The following BNC1 variants were observed in gnomAD, a reference collection of about 807,000 sequenced individuals.
BNC1 encodes the protein zinc finger protein basonuclin-1.
BNC1 carries 8 observed loss-of-function variants against 66.5 expected under a neutral mutation model. That is an observed-to-expected ratio of 0.12 (90% CI 0.07 to 0.22). The LOEUF is 0.22. Ranked by LOEUF, BNC1 falls within the 10% of genes least tolerant of loss-of-function variation. The probability of loss-of-function intolerance (pLI) is 1.00; values close to 1 mark genes in which losing one functional copy is unlikely to be tolerated. For missense variants in BNC1, 1,069 were observed against 1,241.3 expected (o/e 0.86, Z 2.09); for synonymous variants, 454 against 452.6 (o/e 1.00, Z -0.04).
intron 1 of BNC1, chr15:83,283,458 G>A: frequency 1.6e-6 from 2 of 1,215,562 alleles, no homozygotes; most frequent in South Asian, 3.1e-5. Flanking sequence ...CGGAACCGAC[G>A]GGGCGCTCCC....
At chr15:83,274,009 A>C in intron 1 of BNC1, among the ~76,000 whole-genome samples, 1 of 152,180 alleles carries the variant, frequency 6.6e-6, no homozygotes, top group Non-Finnish European at 1.5e-5. Flanking sequence ...TGGGGGACTA[A>C]CTGGTAAGGG....
At position 83,266,768 on chromosome 15, in the gene BNC1, T is replaced by A. The variant is rs1045429660; in HGVS notation, c.435+68A>T. On this transcript the variant is annotated intron_variant, in intron 3 of 4. Transcript: ENST00000345382. ...GCTGTAGCATTGGGAGGTAACTGGG[T>A]TACGTCAGTTATATGGGCACAAATT... is the stretch of plus-strand genomic sequence containing the variant. The A allele has an allele frequency of 2.2e-5, 31 of 1,382,922 alleles. No individual in the cohort carries two copies. The Admixed American group carries it at 4.4e-4, about 19-fold the overall frequency. The allele number at this position is 1,382,922 out of a possible 1,614,324, so 85.7% of individuals were successfully genotyped here.
At chr15:83,261,733 C>A (rs1018410509) in intron 4 of BNC1, among the ~76,000 whole-genome samples, 1 of 152,144 alleles carries the variant, frequency 6.6e-6, no homozygotes, top group Non-Finnish European at 1.5e-5. Flanking sequence ...AGTTTGCCTG[C>A]GTGTGTGTGT....
At chr15:83,265,036 T>C (rs559511085) in intron 3 of BNC1, among the ~76,000 whole-genome samples, 36 of 152,292 alleles carry the variant, frequency 2.4e-4, no homozygotes, top group Non-Finnish European at 4.6e-4. Context: ...CTACAATTGG[T>C]GCAAAAGAGA....
In BNC1 at chr15:83,264,080, C is replaced by G; in HGVS notation, c.1171G>C (p.Gly391Arg). 1 of 1,614,148 alleles carries G rather than the reference C, an allele frequency of 6.2e-7. No individual in the cohort carries two copies. Among genetic ancestry groups the G allele is most frequent in the Non-Finnish European group, 8.5e-7 (1 of 1,180,040 alleles). The stretch of plus-strand genomic sequence containing the variant: ...AGGGAGCTGAACACCATGTTACACC[C>G]TTCGATGGTGCACTTATGCTTGATC... Reference protein sequence around the residue: ...LKIKHKCTIEGCNMVFSSLRS... With the variant: ...LKIKHKCTIERCNMVFSSLRS... The change falls in exon 4 of 5, where the codon GGG (glycine) becomes CGG (arginine). Residue 391 changes from glycine (G) to arginine (R), a missense_variant. Transcript: ENST00000345382.
chr15:83,262,437 T>G (rs1390130130), intron 4 of BNC1, among the ~76,000 whole-genome samples: 1 of 152,198 alleles, frequency 6.6e-6, no homozygotes, highest in African/African-American at 2.4e-5. Context: ...GGCAGAATGA[T>G]GCATATAATG....
At chr15:83,273,731 T>C (rs1595940769) in intron 1 of BNC1, among the ~76,000 whole-genome samples, 1 of 152,190 alleles carries the variant, frequency 6.6e-6, no homozygotes, top group Admixed American at 6.5e-5. Context: ...CTGGACCCAC[T>C]TGGTCTCTCG....
At chr15:83,264,854 C>T (rs763165409) in intron 3 of BNC1, 39 bp from the exon 4 acceptor site, 6 of 1,580,566 alleles carry the variant, frequency 3.8e-6, no homozygotes, top group Admixed American at 1.7e-5. Flanking sequence ...GATCAATTTA[C>T]AACTCCTTAC....
intron 2 of BNC1, 70 bp from the exon 3 acceptor site, chr15:83,267,141 GTAGGT>G (rs926558506): frequency 8.0e-7 from 1 of 1,250,430 alleles, no homozygotes; most frequent in African/African-American, 1.5e-5. Flanking sequence ...GCAAAAAAAA[GTAGGT>G]TAGGACCAAT....
intron 4 of BNC1, among the ~76,000 whole-genome samples, chr15:83,261,177 A>G (rs1001742596): frequency 1.3e-5 from 2 of 152,214 alleles, no homozygotes; most frequent in Non-Finnish European, 2.9e-5. Flanking sequence ...CAGCTTATTC[A>G]TGAACAAACA....
In BNC1 at chr15:83,284,609, C is replaced by T. The variant is rs1184951361; in HGVS notation, c.20G>A (p.Ser7Asn). The change falls in exon 1 of 5, where the codon AGC (serine) becomes AAC (asparagine). Residue 7 changes from serine to asparagine, a missense_variant. Coordinates refer to ENST00000345382, the MANE Select transcript of BNC1 (RefSeq NM_001717.4). ...CCGGGCCGCCCCGCGTCCGCCCCGG[C>T]TCGGCGGGCGCCGCCGCATCCACGC... MRRRPPSRGGRGAARAR... is the reference protein window; with the variant it reads MRRRPPNRGGRGAARAR... The T allele has an allele frequency of 9.9e-7, 1 of 1,005,802 alleles. No homozygotes were observed. Among genetic ancestry groups the T allele is most frequent in the East Asian group, 1.0e-4 (1 of 9,694 alleles). The allele number at this position is 1,005,802 out of a possible 1,614,324, so 62.3% of individuals were successfully genotyped here. A position where few individuals can be genotyped will look rare whatever the true frequency, so the allele number is the denominator to read the frequency against.
Position 83,263,811 on chromosome 15 carries a change from G to A in BNC1, c.1440C>T (p.Pro480=), listed in dbSNP as rs766627325. ...PNIGQNGVLF[P]NLKTVQPVLP... The stretch of plus-strand genomic sequence containing the variant: ...GGACTGGCTGGACTGTCTTTAGGTT[G>A]GGAAAAAGCACACCATTTTGCCCAA... Residue 480 remains proline, a synonymous_variant, in exon 4 of 5, where the codon CCC becomes CCT. Coordinates refer to ENST00000345382, the MANE Select transcript of BNC1 (RefSeq NM_001717.4). The A allele has an allele frequency of 1.2e-6, 2 of 1,614,020 alleles. No homozygotes were observed. The highest frequency in any genetic ancestry group is 3.3e-5 in the Admixed American group (2 of 59,992).
chr15:83,278,022 G>T (rs574307467), intron 1 of BNC1, among the ~76,000 whole-genome samples: 12 of 151,956 alleles, frequency 7.9e-5, no homozygotes, highest in African/African-American at 2.9e-4. Context: ...AAAACCCACA[G>T]AGGTACAACT....
In BNC1 at chr15:83,257,798, C is replaced by CA; in HGVS notation, c.2628dup (p.Asp877Ter). ...ACAGTGCCTTCCTCACTCACCCCGT[C>CA]AGAGTCCCAGGAAGAATGGCTGCTA... On this transcript the variant is annotated frameshift_variant, in exon 5 of 5. Transcript: ENST00000345382. LOFTEE classifies it high-confidence loss of function. 6.2e-7 allele frequency: 1 copy of CA among 1,614,176 alleles called. No individual in the cohort carries two copies. Among genetic ancestry groups the CA allele is most frequent in the Middle Eastern group, 1.6e-4 (1 of 6,062 alleles).
intron 1 of BNC1, among the ~76,000 whole-genome samples, chr15:83,277,120 C>T (rs1290479013): frequency 6.6e-6 from 1 of 152,188 alleles, no homozygotes; most frequent in African/African-American, 2.4e-5. Context: ...TGTTCTGTCA[C>T]CCAGGCTGGA....
In BNC1 at chr15:83,264,058, G is replaced by C; in HGVS notation, c.1193C>G (p.Ser398Cys). The part of the protein sequence containing the change: ...TIEGCNMVFS[S>C]LRSRNRHSAN... ...GCTATGGCGATTCCGGCTCCTTAGG[G>C]AGCTGAACACCATGTTACACCCTTC... Residue 398 changes from serine to cysteine, a missense_variant, in exon 4 of 5, where the codon TCC becomes TGC. Transcript: ENST00000345382. The C allele has an allele frequency of 6.2e-7, 1 of 1,614,206 alleles. No homozygotes were observed. Among genetic ancestry groups the C allele is most frequent in the African/African-American group, 1.3e-5 (1 of 75,048 alleles).
At chr15:83,283,155 C>T in intron 1 of BNC1, 2 of 1,535,614 alleles carry the variant, frequency 1.3e-6, no homozygotes, top group Non-Finnish European at 1.7e-6. Context: ...GGAGCGGTGG[C>T]AGCCCCGCAG....
At chr15:83,262,174 A>G (rs1310778277) in intron 4 of BNC1, among the ~76,000 whole-genome samples, 1 of 149,434 alleles carries the variant, frequency 6.7e-6, no homozygotes, top group Non-Finnish European at 1.5e-5. Context: ...CTGCCTTCCC[A>G]GTGGCTGGGA....
rs1567189947 is a variant in BNC1, at chr15:83,257,956, G to C, written c.2471C>G (p.Thr824Arg). The C allele has an allele frequency of 6.2e-7, 1 of 1,614,164 alleles. No individual in the cohort carries two copies. ...ASQTSVIFKG[T>R]SRMGSLVYPI... ...GTAAACCAGACTGCCCATTCGACTTGTTCCTTTGAAGATGACAGATGTCTG... is the reference window on the plus strand; with the variant it reads ...GTAAACCAGACTGCCCATTCGACTTCTTCCTTTGAAGATGACAGATGTCTG... The change falls in exon 5 of 5, where the codon ACA (threonine) becomes AGA (arginine). Residue 824 changes from threonine to arginine, a missense_variant. Transcript: ENST00000345382.
Sources: allele counts gnomAD v4.1 joint callset (sites outside exome capture counted in the v4.1 genomes callset), GRCh38; gene constraint gnomAD v4.1.1; transcripts MANE v1.5; gene names NCBI Gene and HGNC (gene_info 2026-07-23, HGNC 2026-07-21).